The following BARD1 variants were observed in gnomAD, a reference collection of about 807,000 sequenced individuals.
BARD1 encodes BRCA1 associated RING domain 1.
Under a neutral mutation model 77.0 loss-of-function variants are expected in BARD1, and 73 were observed. That is an observed-to-expected ratio of 0.95 (90% CI 0.79 to 1.15). BARD1 has a LOEUF of 1.15. Among genes scored for constraint, BARD1 ranks in the 50% most tolerant of loss-of-function variants. The probability of loss-of-function intolerance (pLI) is 0.00; values close to 1 mark genes in which losing one functional copy is unlikely to be tolerated. For synonymous variants in BARD1, 384 were observed against 338.0 expected, an observed-to-expected ratio of 1.14 and a Z score of -1.49; for missense variants, 993 against 938.8, an observed-to-expected ratio of 1.06 and a Z score of -0.75.
At chr2:214,792,480 C>G (rs751173121) in intron 2 of BARD1, 35 bp from the exon 3 acceptor site, 1 of 1,438,798 alleles carries the variant, frequency 7.0e-7, no homozygotes. Flanking sequence ...AAAAAGCAAC[C>G]CATTCAGCAG....
chr2:214,799,349 C>A (rs1258539462), intron 1 of BARD1, among the ~76,000 whole-genome samples: 1 of 152,018 alleles, frequency 6.6e-6, no homozygotes, highest in African/African-American at 2.4e-5. Context: ...TATTTGGTAG[C>A]CTCTTCATGT....
rs916700676 is a variant in BARD1, at chr2:214,773,033, T to C, written c.1315-3721A>G. 4.6e-5 allele frequency among the ~76,000 whole-genome samples: 7 copies of C among 152,306 alleles called. No individual in the cohort carries two copies. In the East Asian group the frequency reaches 5.8e-4, roughly 13 times the overall value. ...TTTAAATGAATTTGGTATTTTCAAG[T>C]AATACACTGAAGGCTGAAAATAAGA... On this transcript the variant is annotated intron_variant, in intron 4 of 10. Transcript: ENST00000260947.
intron 1 of BARD1, among the ~76,000 whole-genome samples, chr2:214,808,401 T>A (rs1270973134): frequency 6.6e-6 from 1 of 152,126 alleles, no homozygotes; most frequent in Non-Finnish European, 1.5e-5. Context: ...AGAGCGAGAC[T>A]CCGTCTCAAA....
intron 7 of BARD1, 121 bp downstream of exon 7, chr2:214,752,326 G>A (rs1693491554): frequency 2.6e-6 from 2 of 774,034 alleles, no homozygotes; most frequent in Admixed American, 2.0e-5. Flanking sequence ...TACTCAGGAA[G>A]TGCTCAATAA....
chr2:214,792,252 T>A (rs1006123114), intron 3 of BARD1, 45 bp downstream of exon 3: 5 of 1,590,992 alleles, frequency 3.1e-6, no homozygotes, highest in Non-Finnish European at 4.3e-6. Flanking sequence ...ATTCATCAGT[T>A]TTTAACTGAT....
intron 5 of BARD1, among the ~76,000 whole-genome samples, chr2:214,768,731 GTAA>G (rs1451011666): frequency 7.9e-5 from 12 of 152,134 alleles, no homozygotes; most frequent in Non-Finnish European, 1.6e-4. Flanking sequence ...CACTTTTTTA[GTAA>G]TAATAAGCAA....
At chr2:214,757,477 C>T (rs184234195) in intron 6 of BARD1, among the ~76,000 whole-genome samples, 3 of 152,056 alleles carry the variant, frequency 2.0e-5, no homozygotes, top group Admixed American at 1.3e-4. Flanking sequence ...GTATGAAATA[C>T]TGGATGATTT....
At chr2:214,787,289 A>T (rs1695316724) in intron 3 of BARD1, among the ~76,000 whole-genome samples, 1 of 151,912 alleles carries the variant, frequency 6.6e-6, no homozygotes, top group Non-Finnish European at 1.5e-5. Context: ...CTACCTTATA[A>T]ATGAGTAAAT....
chr2:214,730,462 C>T lies in BARD1; in HGVS notation c.1950G>A (p.Lys650=), dbSNP rs1692302613. The change falls in exon 10 of 11, where the codon AAG becomes AAA. Residue 650 remains lysine (K), a synonymous_variant. Coordinates refer to ENST00000260947, the MANE Select transcript of BARD1 (RefSeq NM_000465.4). ...LRRKVCEQEE[K]YEIPEGPRRS... ...TGCGTGGACCTTCAGGAATTTCATA[C>T]TTTTCTTCCTGTTCACATACTTTTC... The T allele has an allele frequency of 1.9e-6, 3 of 1,613,996 alleles. No individual in the cohort carries two copies. Among genetic ancestry groups the T allele is most frequent in the South Asian group, 1.1e-5 (1 of 91,082 alleles).
At chr2:214,770,769 G>GGCA (rs1559413567) in intron 4 of BARD1, among the ~76,000 whole-genome samples, 4 of 151,034 alleles carry the variant, frequency 2.6e-5, no homozygotes, top group African/African-American at 9.9e-5. Context: ...AGCCTCCAGC[G>GGCA]AAGGTAGACT....
chr2:214,782,574 C>T (rs1695091050), intron 3 of BARD1, among the ~76,000 whole-genome samples: 1 of 151,714 alleles, frequency 6.6e-6, no homozygotes, highest in Non-Finnish European at 1.5e-5. Flanking sequence ...ACAGAATATA[C>T]AAAGATTCAG....
In BARD1 at chr2:214,781,413, A is replaced by ACTTT. The variant is rs772486760; in HGVS notation, c.457_460dup (p.Val154GlufsTer8). The ACTTT allele has an allele frequency of 6.2e-7, 1 of 1,613,338 alleles. No homozygotes were observed. Among genetic ancestry groups the ACTTT allele is most frequent in the African/African-American group, 1.3e-5 (1 of 74,850 alleles). ...TGAAGCTTTACTCACAACATATCTG[A>ACTTT]CTTTCTTACTTCGAGGGCTAAACCA... On this transcript the variant is annotated frameshift_variant, in exon 4 of 11. Transcript: ENST00000260947. LOFTEE classifies it high-confidence loss of function.
At position 214,752,477 on chromosome 2, in the gene BARD1, A is replaced by G. The variant is rs754193049; in HGVS notation, c.1647T>C (p.Asn549=). 1.2e-6 allele frequency: 2 copies of G among 1,613,618 alleles called. No individual in the cohort carries two copies. Among genetic ancestry groups the G allele is most frequent in the Non-Finnish European group, 1.7e-6 (2 of 1,179,636 alleles). Residue 549 remains asparagine, a synonymous_variant, in exon 7 of 11, where the codon AAT becomes AAC. Transcript: ENST00000260947. The part of the protein sequence containing the change: ...MKSLLLLPEK[N]ESSSASHCSV... ...AGCAGTGGCTAGCTGAGGATGATTCATTCTTCTCTGGTAGCAGCAATAGCG... is the reference window on the plus strand; with the variant it reads ...AGCAGTGGCTAGCTGAGGATGATTCGTTCTTCTCTGGTAGCAGCAATAGCG...
At chr2:214,775,684 G>A (rs1694707850) in intron 4 of BARD1, among the ~76,000 whole-genome samples, 1 of 152,136 alleles carries the variant, frequency 6.6e-6, no homozygotes, top group Non-Finnish European at 1.5e-5. Flanking sequence ...AAAAAGTGAA[G>A]TGCAATTAAA....
rs1559410251 is a variant in BARD1 at position 214,767,659 on chromosome 2, T to C, written c.1396-5A>G. The C allele has an allele frequency of 6.2e-7, 1 of 1,613,690 alleles. No individual in the cohort carries two copies. Among genetic ancestry groups the C allele is most frequent in the African/African-American group, 1.3e-5 (1 of 75,042 alleles). Reference sequence around the variant, plus strand: ...CCCATGATTGCAAGCTTCATGCTAATTAAATTTTTTGAAAAAGAAGTGAAA... The same window carrying C: ...CCCATGATTGCAAGCTTCATGCTAACTAAATTTTTTGAAAAAGAAGTGAAA... On this transcript the variant is annotated splice_polypyrimidine_tract_variant and splice_region_variant and intron_variant, in intron 5 of 10. Transcript: ENST00000260947.
chr2:214,729,899 G>A (rs577674236), intron 10 of BARD1, among the ~76,000 whole-genome samples: 41 of 152,070 alleles, frequency 2.7e-4, no homozygotes, highest in African/African-American at 9.4e-4. Flanking sequence ...ATGTATTCAC[G>A]GGGCACAAAA....
At position 214,803,476 on chromosome 2, in the gene BARD1, G is replaced by A. The variant is rs557927013; in HGVS notation, c.158+5936C>T. On this transcript the variant is annotated intron_variant, in intron 1 of 10. Coordinates refer to ENST00000260947, the MANE Select transcript of BARD1 (RefSeq NM_000465.4). Reference sequence around the variant, plus strand: ...GGGAAAAACCGCCTTAGGGCTGGAGGTGGGACGTGCGGGCAGCAATACTGC... The same window carrying A: ...GGGAAAAACCGCCTTAGGGCTGGAGATGGGACGTGCGGGCAGCAATACTGC... Among the ~76,000 whole-genome samples the A allele has an allele frequency of 1.7e-3, 254 of 152,350 alleles. 3 individuals are homozygous for A. Among genetic ancestry groups the A allele is most frequent in the Non-Finnish European group, 1.3e-4 (9 of 68,040 alleles).
chr2:214,804,614 A>G (rs185785452), intron 1 of BARD1, among the ~76,000 whole-genome samples: 1 of 152,316 alleles, frequency 6.6e-6, no homozygotes, highest in East Asian at 1.9e-4. Flanking sequence ...TTACAAATCA[A>G]CGAGTCCATT....
chr2:214,774,842 T>C (rs1421005456), intron 4 of BARD1, among the ~76,000 whole-genome samples: 2 of 152,226 alleles, frequency 1.3e-5, no homozygotes, highest in East Asian at 1.9e-4. Flanking sequence ...AGTTTCTCCA[T>C]CAGCACCTGC....
Sources: gnomAD v4.1 joint callset for allele counts (sites outside exome capture counted in the v4.1 genomes callset) on GRCh38, gnomAD v4.1.1 for gene constraint, MANE v1.5 for transcripts, NCBI Gene and HGNC (gene_info 2026-07-23, HGNC 2026-07-21) for gene names.